The following DMD variants were observed in gnomAD, a reference collection of about 807,000 sequenced individuals.
DMD encodes dystrophin.
DMD carries 63 observed loss-of-function variants against 330.1 expected under a neutral mutation model. The ratio of observed to expected loss-of-function variants is 0.19; its 90% CI spans 0.16 to 0.24. The LOEUF is 0.24. DMD is among the 10% of genes least tolerant of loss of function. The pLI is 1.00. For synonymous variants in DMD, 1,223 were observed against 959.8 expected, an observed-to-expected ratio of 1.27 and a Z score of -5.07; for missense variants, 3,344 against 2,684.1, an observed-to-expected ratio of 1.25 and a Z score of -5.43.
At chrX:32,926,797 G>T (rs560714236) in intron 2 of DMD, among the ~76,000 whole-genome samples, 4 of 108,624 alleles carry the variant, frequency 3.7e-5, no homozygotes, top group South Asian at 8.0e-4. Context: ...AAATAAGCAT[G>T]TGAGGTAATA....
intron 48 of DMD, among the ~76,000 whole-genome samples, chrX:31,869,530 C>T (rs1239647501): frequency 4.7e-5 from 5 of 107,403 alleles, no homozygotes; most frequent in African/African-American, 1.4e-4. Context: ...TCCAAATTAA[C>T]ATTTCAAATT....
intron 51 of DMD, among the ~76,000 whole-genome samples, chrX:31,744,614 G>A (rs2087667720): frequency 8.9e-6 from 1 of 112,065 alleles, no homozygotes; most frequent in African/African-American, 3.2e-5. Flanking sequence ...TGAATCATAA[G>A]TGTACTAAAA....
At chrX:31,852,748 ATTAT>A (rs1439192000) in intron 48 of DMD, among the ~76,000 whole-genome samples, 1 of 112,198 alleles carries the variant, frequency 8.9e-6, no homozygotes, top group Admixed American at 9.5e-5. Flanking sequence ...ATATGTACTT[ATTAT>A]TTGTCAATTA....
At chrX:32,541,815 A>T (rs916802227) in intron 17 of DMD, among the ~76,000 whole-genome samples, 1 of 40,234 alleles carries the variant, frequency 2.5e-5, no homozygotes. Flanking sequence ...AAAGTTGGGA[A>T]AAAAAAAAAG....
intron 9 of DMD, among the ~76,000 whole-genome samples, chrX:32,657,720 A>G (rs2060674741): frequency 8.9e-6 from 1 of 112,190 alleles, no homozygotes; most frequent in Admixed American, 9.5e-5. Context: ...AGATTTTGTA[A>G]AAGTACTAAA....
At chrX:33,229,617 T>C (rs2052354631) in intron 1 of DMD, among the ~76,000 whole-genome samples, 1 of 112,087 alleles carries the variant, frequency 8.9e-6, no homozygotes, top group East Asian at 2.8e-4. Flanking sequence ...TGCATTGAAC[T>C]ATGCGTCTAT....
At chrX:33,201,496 T>C (rs1330128682) in intron 1 of DMD, among the ~76,000 whole-genome samples, 1 of 111,152 alleles carries the variant, frequency 9.0e-6, no homozygotes, top group Non-Finnish European at 1.9e-5. Context: ...AGAGTGCACA[T>C]TGCTTAACTC....
intron 60 of DMD, among the ~76,000 whole-genome samples, chrX:31,405,038 C>G (rs753426844): frequency 2.7e-5 from 3 of 111,672 alleles, no homozygotes; most frequent in Non-Finnish European, 5.7e-5. Flanking sequence ...CTGCTGAAGA[C>G]TCTCGGCACT....
chrX:32,472,957 G>GTA (rs1048104668), intron 21 of DMD, among the ~76,000 whole-genome samples: 1 of 110,497 alleles, frequency 9.1e-6, no homozygotes, highest in Non-Finnish European at 1.9e-5. Flanking sequence ...ATATGTGTAT[G>GTA]TATATACTTT....
At chrX:32,450,950 G>A (rs1239673618) in intron 26 of DMD, among the ~76,000 whole-genome samples, 1 of 111,012 alleles carries the variant, frequency 9.0e-6, no homozygotes, top group Non-Finnish European at 1.9e-5. Context: ...GAAAGAAGAT[G>A]ATGATGAATT....
intron 44 of DMD, among the ~76,000 whole-genome samples, chrX:32,060,976 G>A (rs1358559138): frequency 1.8e-5 from 2 of 110,961 alleles, no homozygotes; most frequent in African/African-American, 6.6e-5. Context: ...AAATGGGAAC[G>A]ATAATAAAAC....
intron 9 of DMD, among the ~76,000 whole-genome samples, chrX:32,660,711 A>G (rs759814134): frequency 1.3e-4 from 14 of 111,418 alleles, no homozygotes; most frequent in Non-Finnish European, 2.5e-4. Flanking sequence ...GAAATAACAT[A>G]GTACTCACAG....
At chrX:32,921,814 T>A (rs2088439645) in intron 2 of DMD, among the ~76,000 whole-genome samples, 1 of 111,748 alleles carries the variant, frequency 8.9e-6, no homozygotes, top group Non-Finnish European at 1.9e-5. Flanking sequence ...AGCATATTCA[T>A]CCAACCATTT....
intron 3 of DMD, among the ~76,000 whole-genome samples, chrX:32,847,295 G>C (rs1470295584): frequency 1.8e-5 from 2 of 111,639 alleles, no homozygotes; most frequent in East Asian, 5.6e-4. Flanking sequence ...CTTTTAAAAA[G>C]CTGCAGTTTC....
chrX:33,213,685 C>T (rs1371858336), upstream of DMD, among the ~76,000 whole-genome samples: 1 of 111,619 alleles, frequency 9.0e-6, no homozygotes, highest in Non-Finnish European at 1.9e-5. Flanking sequence ...CAGGAATTTG[C>T]GGGGATAGTA....
chrX:32,534,489 T>C (rs1354792659), intron 17 of DMD, among the ~76,000 whole-genome samples: 2 of 111,344 alleles, frequency 1.8e-5, no homozygotes, highest in South Asian at 3.8e-4. Flanking sequence ...CCCTTTGCCT[T>C]CCATCATGAT....
intron 7 of DMD, among the ~76,000 whole-genome samples, chrX:32,807,138 A>T (rs776057835): frequency 2.8e-4 from 29 of 104,480 alleles, no homozygotes; most frequent in Admixed American, 1.3e-3. Context: ...AAAAAAAAAA[A>T]AAAAAAAAAA....
chrX:32,366,058 C>G (rs2097853436), intron 34 of DMD, among the ~76,000 whole-genome samples: 1 of 111,897 alleles, frequency 8.9e-6, no homozygotes, highest in African/African-American at 3.2e-5. Flanking sequence ...ATCCACATAC[C>G]CTAGACTAAA....
intron 62 of DMD, among the ~76,000 whole-genome samples, chrX:31,321,097 G>A (rs60761150): frequency 0.36 from 39,232 of 110,250 alleles, 6,212 homozygotes; most frequent in African/African-American, 0.61. Flanking sequence ...TAAAATTCCT[G>A]TTTTTTAAAG....
Sources: gnomAD v4.1 joint callset for allele counts (sites outside exome capture counted in the v4.1 genomes callset) on GRCh38, gnomAD v4.1.1 for gene constraint, MANE v1.5 for transcripts, NCBI Gene and HGNC (gene_info 2026-07-23, HGNC 2026-07-21) for gene names.